The following CLEC9A variants were observed in gnomAD, a reference collection of about 807,000 sequenced individuals.
The protein encoded by CLEC9A is C-type lectin domain family 9 member A.
Under a neutral mutation model 30.0 loss-of-function variants are expected in CLEC9A, and 24 were observed. The ratio of observed to expected loss-of-function variants is 0.80; its 90% CI spans 0.58 to 1.13. The LOEUF (loss-of-function observed/expected upper bound fraction) is 1.13. Among genes scored for constraint, CLEC9A ranks in the 50% most tolerant of loss-of-function variants. The pLI is 0.00. For synonymous variants in CLEC9A, 111 were observed against 96.8 expected, an observed-to-expected ratio of 1.15 and a Z score of -0.86; for missense variants, 251 against 280.9, an observed-to-expected ratio of 0.89 and a Z score of 0.76.
rs749868753 is a variant in CLEC9A at position 10,041,574 on chromosome 12, C to T, written c.-209C>T. 10 of 520,358 alleles carry T rather than the reference C, an allele frequency of 1.9e-5. No homozygotes were observed. Among genetic ancestry groups the T allele is most frequent in the Non-Finnish European group, 3.9e-5 (10 of 256,650 alleles). The allele number at this position is 520,358 out of a possible 1,614,324, so 32.2% of individuals were successfully genotyped here. On this transcript the variant is annotated 5_prime_UTR_variant, in exon 2 of 9. Coordinates refer to ENST00000355819, the MANE Select transcript of CLEC9A (RefSeq NM_207345.4). ...TGGAAAGAGAGTGAGCAGTACTGCACTGACATGAAGGCTACTCTCCTGAAG... is the reference window on the plus strand; with the variant it reads ...TGGAAAGAGAGTGAGCAGTACTGCATTGACATGAAGGCTACTCTCCTGAAG...
chr12:10,048,588 C>T (rs7972323), intron 2 of CLEC9A, among the ~76,000 whole-genome samples: 77,480 of 152,076 alleles, frequency 0.51, 22,822 homozygotes, highest in Middle Eastern at 0.73. Context: ...ATGTTCACAG[C>T]GTGTTCACCA....
intron 6 of CLEC9A, 146 bp downstream of exon 6, chr12:10,061,419 A>G: frequency 1.4e-6 from 1 of 704,598 alleles, no homozygotes. Flanking sequence ...TCTTCAGTTC[A>G]ATCTTATTTA....
At chr12:10,031,784 A>C (rs1865699245) in intron 1 of CLEC9A, among the ~76,000 whole-genome samples, 1 of 152,128 alleles carries the variant, frequency 6.6e-6, no homozygotes, top group South Asian at 2.1e-4. Flanking sequence ...GATGTGATAA[A>C]TCTCAAGAAA....
Position 10,050,879 on chromosome 12 carries a change from G to A in CLEC9A, c.-162-1112G>A, listed in dbSNP as rs78589600. ...TTAGGTTACATTAATTTTCAGATTCGAATCTCAGGTCACATGAGCATCATA... is the reference window on the plus strand; with the variant it reads ...TTAGGTTACATTAATTTTCAGATTCAAATCTCAGGTCACATGAGCATCATA... On this transcript the variant is annotated intron_variant, in intron 2 of 8. Transcript: ENST00000355819. Among the ~76,000 whole-genome samples, 1,207 of 152,136 alleles carry A rather than the reference G, an allele frequency of 7.9e-3. 11 individuals are homozygous for A. Among genetic ancestry groups the A allele is most frequent in the African/African-American group, 0.028 (1,147 of 41,502 alleles).
intron 2 of CLEC9A, among the ~76,000 whole-genome samples, chr12:10,051,509 C>G (rs1865892511): frequency 2.0e-5 from 3 of 152,192 alleles, no homozygotes; most frequent in Admixed American, 6.5e-5. Flanking sequence ...GTTCCCTTAA[C>G]ACTTCCCGAA....
At chr12:10,032,869 T>G (rs1020991633) in intron 1 of CLEC9A, among the ~76,000 whole-genome samples, 1 of 152,184 alleles carries the variant, frequency 6.6e-6, no homozygotes, top group Non-Finnish European at 1.5e-5. Context: ...ATTCTAATTT[T>G]CTTATATTTC....
At chr12:10,040,528 G>A (rs1425254357) in intron 1 of CLEC9A, among the ~76,000 whole-genome samples, 1 of 149,898 alleles carries the variant, frequency 6.7e-6, no homozygotes, top group Non-Finnish European at 1.5e-5. Flanking sequence ...TCGGCTCACT[G>A]TAAGTTCCGC....
chr12:10,047,269 T>C (rs1450466279), intron 2 of CLEC9A, among the ~76,000 whole-genome samples: 1 of 152,206 alleles, frequency 6.6e-6, no homozygotes, highest in South Asian at 2.1e-4. Context: ...AAATTAGCCA[T>C]AACTTTGGCT....
intron 5 of CLEC9A, among the ~76,000 whole-genome samples, chr12:10,055,547 A>C (rs1865934310): frequency 2.0e-5 from 3 of 152,210 alleles, no homozygotes; most frequent in Non-Finnish European, 4.4e-5. Flanking sequence ...AATGATAATG[A>C]TTTGGGGTAA....
intron 5 of CLEC9A, among the ~76,000 whole-genome samples, chr12:10,056,167 T>G (rs777696544): frequency 6.8e-6 from 1 of 146,358 alleles, no homozygotes; most frequent in African/African-American, 2.5e-5. Flanking sequence ...GTAAACGAAA[T>G]CTTATATGAA....
At chr12:10,040,481 T>C (rs931708695) in intron 1 of CLEC9A, among the ~76,000 whole-genome samples, 22 of 151,402 alleles carry the variant, frequency 1.5e-4, no homozygotes, top group East Asian at 1.4e-3. Context: ...GATGGAGTCT[T>C]GCTCTGTCGC....
rs146896782 is a variant in CLEC9A, at chr12:10,058,746, T to C, written c.173-2381T>C. On this transcript the variant is annotated intron_variant, in intron 5 of 8. Transcript: ENST00000355819. ...TCTTAGTAGAGACAAGGCTTTGCCATGTTGGCCATGGTGGTCTCGAACTCC... is the reference window on the plus strand; with the variant it reads ...TCTTAGTAGAGACAAGGCTTTGCCACGTTGGCCATGGTGGTCTCGAACTCC... Among the ~76,000 whole-genome samples the C allele has an allele frequency of 6.6e-5, 10 of 152,282 alleles. No homozygotes were observed. The East Asian group carries it at 9.6e-4, about 15-fold the overall frequency.
chr12:10,061,714 C>G (rs918978315), intron 6 of CLEC9A, among the ~76,000 whole-genome samples: 4 of 152,126 alleles, frequency 2.6e-5, no homozygotes, highest in African/African-American at 9.7e-5. Flanking sequence ...CCACAAAATT[C>G]TTTTACGATG....
At chr12:10,042,427 G>A (rs1363572151) in intron 2 of CLEC9A, among the ~76,000 whole-genome samples, 1 of 152,136 alleles carries the variant, frequency 6.6e-6, no homozygotes, top group Non-Finnish European at 1.5e-5. Context: ...TATTTTGGGA[G>A]GTGTGAGAGT....
chr12:10,048,744 G>T (rs1865869196), intron 2 of CLEC9A, among the ~76,000 whole-genome samples: 1 of 152,160 alleles, frequency 6.6e-6, no homozygotes, highest in African/African-American at 2.4e-5. Context: ...GCTATTTCTA[G>T]CACATCTGCA....
In CLEC9A at chr12:10,063,194, C is replaced by T; in HGVS notation, c.459C>T (p.Ser153=). ...GTTCCACGCTGCTACAAATAGAGAGCAAAGAAGAAATGGTAAACACTGTTT... is the reference window on the plus strand; with the variant it reads ...GTTCCACGCTGCTACAAATAGAGAGTAAAGAAGAAATGGTAAACACTGTTT... The part of the protein sequence containing the change: ...KEGSTLLQIE[S]KEEMDFITGS... Residue 153 remains serine, a synonymous_variant, in exon 7 of 9, where the codon AGC becomes AGT. Transcript: ENST00000355819. 1 of 1,599,104 alleles carries T rather than the reference C, an allele frequency of 6.3e-7. No individual in the cohort carries two copies. The highest frequency in any genetic ancestry group is 8.5e-7 in the Non-Finnish European group (1 of 1,175,152).
intron 4 of CLEC9A, among the ~76,000 whole-genome samples, chr12:10,053,144 C>T (rs1279006276): frequency 6.6e-6 from 1 of 152,194 alleles, no homozygotes; most frequent in Non-Finnish European, 1.5e-5. Context: ...GGTTGAAAAA[C>T]TGGCAAGATC....
intron 2 of CLEC9A, among the ~76,000 whole-genome samples, chr12:10,050,289 A>G (rs531814336): frequency 1.9e-4 from 29 of 152,254 alleles, no homozygotes; most frequent in Non-Finnish European, 4.0e-4. Flanking sequence ...AGAATTACCA[A>G]TATGTGACAC....
rs1165428247 is a variant in CLEC9A, at chr12:10,052,748, C to A, written c.61C>A (p.Gln21Lys). Reference sequence around the variant, plus strand: ...GGATAGCCCAGCACCAGACACTTACCAGAAATGTCTGTCTTCCAACAAATG... The same window carrying A: ...GGATAGCCCAGCACCAGACACTTACAAGAAATGTCTGTCTTCCAACAAATG... Reference protein sequence around the residue: ...QWDSPAPDTYQKCLSSNKCSG... With the variant: ...QWDSPAPDTYKKCLSSNKCSG... Residue 21 changes from glutamine to lysine, a missense_variant, in exon 4 of 9, where the codon CAG becomes AAG. Gln to Lys is a moderately conservative substitution (Grantham distance 53, BLOSUM62 1). Coordinates refer to ENST00000355819, the MANE Select transcript of CLEC9A (RefSeq NM_207345.4). 1.9e-6 allele frequency: 3 copies of A among 1,613,698 alleles called. No homozygotes were observed. Among genetic ancestry groups the A allele is most frequent in the East Asian group, 4.5e-5 (2 of 44,872 alleles).
Sources: allele counts gnomAD v4.1 joint callset (sites outside exome capture counted in the v4.1 genomes callset), GRCh38; gene constraint gnomAD v4.1.1; transcripts MANE v1.5; gene names NCBI Gene and HGNC (gene_info 2026-07-23, HGNC 2026-07-21).